Variants in ZNF423 observed in about 807,000 individuals in gnomAD.
ZNF423 encodes the protein zinc finger protein 423, also known as Ebf-associated zinc finger protein.
A neutral mutation model predicts 95.8 loss-of-function variants in ZNF423; 12 were observed. The observed-to-expected ratio is 0.13, with a 90% CI of 0.08 to 0.20. The LOEUF is 0.20. ZNF423 is among the 10% of genes least tolerant of loss of function. The probability of loss-of-function intolerance (pLI) is 1.00; values close to 1 mark genes in which losing one functional copy is unlikely to be tolerated. For synonymous variants in ZNF423, 749 were observed against 711.9 expected, an observed-to-expected ratio of 1.05 and a Z score of -0.83; for missense variants, 1,316 against 1,737.1, an observed-to-expected ratio of 0.76 and a Z score of 4.31.
rs574895002 is a variant in ZNF423, at chr16:49,761,339, C to G, written c.100+28148G>C. The stretch of plus-strand genomic sequence containing the variant: ...AGGCCATACTACAGAGGAAAGCAAA[C>G]CTGGCCTGTGCCAGCCTGCTCCCAT... On this transcript the variant is annotated intron_variant, in intron 2 of 7. Coordinates refer to ENST00000563137, the MANE Select transcript of ZNF423 (RefSeq NM_001379286.1). Among the ~76,000 whole-genome samples, 865 of 152,348 alleles carry G rather than the reference C, an allele frequency of 5.7e-3. 10 individuals are homozygous for G. The highest frequency in any genetic ancestry group is 0.02 in the African/African-American group (832 of 41,580).
intron 2 of ZNF423, among the ~76,000 whole-genome samples, chr16:49,734,300 A>G (rs747730039): frequency 9.9e-5 from 15 of 152,178 alleles, no homozygotes; most frequent in Non-Finnish European, 1.9e-4. Flanking sequence ...CCCTGTCCTG[A>G]GTCTGGACAT....
rs78096443 is a variant in ZNF423 at position 49,627,734 on chromosome 16, C to T, written c.3517-1480G>A. On this transcript the variant is annotated intron_variant, in intron 4 of 7. Transcript: ENST00000563137. ...ATCCATCCATCCATCCATCTTCTAT[C>T]TACCCGCCCATCCATCTACATAAAC... is the stretch of plus-strand genomic sequence containing the variant. 5.3e-3 allele frequency among the ~76,000 whole-genome samples: 799 copies of T among 149,694 alleles called. 4 individuals carry two copies. Among genetic ancestry groups the T allele is most frequent in the Non-Finnish European group, 9.1e-3 (612 of 67,254 alleles).
intron 5 of ZNF423, among the ~76,000 whole-genome samples, chr16:49,558,469 T>G (rs1969910649): frequency 6.6e-6 from 1 of 152,172 alleles, no homozygotes; most frequent in Non-Finnish European, 1.5e-5. Flanking sequence ...TTGAAAGTGA[T>G]GCAGGATAAG....
At chr16:49,654,424 C>T (rs549261633) in intron 3 of ZNF423, among the ~76,000 whole-genome samples, 1 of 152,196 alleles carries the variant, frequency 6.6e-6, no homozygotes, top group African/African-American at 2.4e-5. Flanking sequence ...TCCTGGGGGG[C>T]GTAGAGCACA....
At chr16:49,759,267 T>C (rs1443664965) in intron 2 of ZNF423, among the ~76,000 whole-genome samples, 5 of 151,930 alleles carry the variant, frequency 3.3e-5, no homozygotes, top group Non-Finnish European at 7.4e-5. Context: ...GGTGTGTTGG[T>C]GCACACCTGT....
intron 5 of ZNF423, among the ~76,000 whole-genome samples, chr16:49,579,527 G>C (rs910828096): frequency 6.6e-6 from 1 of 152,168 alleles, no homozygotes; most frequent in Non-Finnish European, 1.5e-5. Flanking sequence ...TGGGGAGCTT[G>C]GGAGTGGTGG....
intron 5 of ZNF423, among the ~76,000 whole-genome samples, chr16:49,569,731 G>A (rs1208610729): frequency 6.6e-6 from 1 of 151,926 alleles, no homozygotes; most frequent in Non-Finnish European, 1.5e-5. Context: ...GAGTGCCCGT[G>A]GAAAAAAAGA....
intron 5 of ZNF423, among the ~76,000 whole-genome samples, chr16:49,569,028 A>G (rs183497099): frequency 9.2e-4 from 140 of 152,112 alleles, no homozygotes; most frequent in African/African-American, 2.9e-3. Context: ...CCAGAACAAC[A>G]TCCCTCCGAG....
At chr16:49,514,793 C>T (rs1395452645) in intron 7 of ZNF423, among the ~76,000 whole-genome samples, 1 of 152,206 alleles carries the variant, frequency 6.6e-6, no homozygotes. Context: ...TTCCTGCAGC[C>T]CCTGGCTTTG....
chr16:49,800,085 A>G (rs2034558643), intron 1 of ZNF423, among the ~76,000 whole-genome samples: 1 of 152,178 alleles, frequency 6.6e-6, no homozygotes, highest in Non-Finnish European at 1.5e-5. Flanking sequence ...CTCTACAAAA[A>G]ATGCAAAAAT....
In ZNF423 at chr16:49,730,776, G is replaced by A. The variant is rs553868296; in HGVS notation, c.296C>T (p.Pro99Leu). ...DLTDHRAHRCPGDGDDDPQLS... is the reference protein window; with the variant it reads ...DLTDHRAHRCLGDGDDDPQLS... Reference sequence around the variant, plus strand: ...CTGGGGCTGTTTTGCATTACCTCCAGGACAGCGGTGGGCCCGGTGGTCCGT... The same window carrying A: ...CTGGGGCTGTTTTGCATTACCTCCAAGACAGCGGTGGGCCCGGTGGTCCGT... Residue 99 changes from proline (P) to leucine (L), a missense_variant, in exon 3 of 8, where the codon CCT (proline) becomes CTT (leucine). Coordinates refer to ENST00000563137, the MANE Select transcript of ZNF423 (RefSeq NM_001379286.1). 163 of 1,614,212 alleles carry A rather than the reference G, an allele frequency of 1.0e-4. No homozygotes were observed. Among genetic ancestry groups the A allele is most frequent in the Non-Finnish European group, 1.3e-4 (156 of 1,180,050 alleles).
intron 1 of ZNF423, among the ~76,000 whole-genome samples, chr16:49,820,845 T>C (rs1188534381): frequency 2.0e-5 from 3 of 152,260 alleles, no homozygotes; most frequent in East Asian, 3.8e-4. Flanking sequence ...GGGTAGTAGA[T>C]TGAAGTTTAG....
At chr16:49,748,905 G>A (rs537108634) in intron 2 of ZNF423, among the ~76,000 whole-genome samples, 4 of 152,124 alleles carry the variant, frequency 2.6e-5, no homozygotes, top group Non-Finnish European at 4.4e-5. Flanking sequence ...TCTGAGCCCC[G>A]CTGTGTGCAC....
intron 5 of ZNF423, among the ~76,000 whole-genome samples, chr16:49,560,719 A>G (rs2151767823): frequency 6.6e-6 from 1 of 152,272 alleles, no homozygotes; most frequent in South Asian, 2.1e-4. Flanking sequence ...AATTCCCCAG[A>G]CACGCCACAG....
In ZNF423 at chr16:49,636,845, G is replaced by C. The variant is rs769322435; in HGVS notation, c.2331C>G (p.Val777=). ...FRKEADLQVH[V]KHSHLGNPAK... is the part of the protein sequence containing the mutation. Reference sequence around the variant, plus strand: ...CCGGGTTGCCCAGGTGGCTGTGTTTGACGTGCACCTGCAGGTCAGCCTCCT... The same window carrying C: ...CCGGGTTGCCCAGGTGGCTGTGTTTCACGTGCACCTGCAGGTCAGCCTCCT... Residue 777 remains valine, a synonymous_variant, in exon 4 of 8, where the codon GTC becomes GTG. Transcript: ENST00000563137. This position sits in a 1 kb window ranked among gnomAD's most constrained non-coding sequence, Gnocchi z 8.6. 8.7e-6 allele frequency: 14 copies of C among 1,613,934 alleles called. No individual in the cohort carries two copies. The African/African-American group carries it at 1.9e-4, about 22-fold the overall frequency.
At chr16:49,733,149 T>C (rs977831109) in intron 2 of ZNF423, among the ~76,000 whole-genome samples, 51 of 152,240 alleles carry the variant, frequency 3.3e-4, no homozygotes, top group East Asian at 9.6e-4. Context: ...TAAGTCATCA[T>C]ACAACCATGG....
intron 1 of ZNF423, among the ~76,000 whole-genome samples, chr16:49,845,077 C>T (rs2035231016): frequency 7.6e-6 from 1 of 131,290 alleles, no homozygotes. Context: ...ATCTTTTAGA[C>T]ATAATGACCC....
intron 2 of ZNF423, among the ~76,000 whole-genome samples, chr16:49,761,759 T>C (rs1031785311): frequency 6.6e-6 from 1 of 152,142 alleles, no homozygotes; most frequent in Non-Finnish European, 1.5e-5. Flanking sequence ...TGCACAAACA[T>C]CCAAGGTACA....
intron 3 of ZNF423, among the ~76,000 whole-genome samples, chr16:49,661,779 T>C (rs1190393695): frequency 6.6e-6 from 1 of 152,138 alleles, no homozygotes; most frequent in Non-Finnish European, 1.5e-5. Flanking sequence ...GGCATCAGGA[T>C]CATGTCCAGG....
Sources: gnomAD v4.1 joint callset for allele counts (sites outside exome capture counted in the v4.1 genomes callset) on GRCh38, gnomAD v4.1.1 for gene constraint, Gnocchi (gnomAD v3.1) non-coding constraint, MANE v1.5 for transcripts, NCBI Gene and HGNC (gene_info 2026-07-23, HGNC 2026-07-21) for gene names.